The following RFWD3 variants were observed in gnomAD, a reference collection of about 807,000 sequenced individuals.
RFWD3 encodes ring finger and WD repeat domain 3, also known as E3 ubiquitin-protein ligase RFWD3.
A neutral mutation model predicts 87.7 loss-of-function variants in RFWD3; 65 were observed. That is an observed-to-expected ratio of 0.74 (90% CI 0.61 to 0.91). The LOEUF (loss-of-function observed/expected upper bound fraction) is 0.91, where lower values mean the gene tolerates loss of function less well. Ranked by LOEUF, RFWD3 falls within the 40% of genes least tolerant of loss-of-function variation. RFWD3 has a pLI of 0.00. For missense variants in RFWD3, 1,078 were observed against 938.5 expected, an observed-to-expected ratio of 1.15 and a Z score of -1.94; for synonymous variants, 433 against 352.8, an observed-to-expected ratio of 1.23 and a Z score of -2.55.
At chr16:74,662,678 G>A (rs1961550254) in intron 1 of RFWD3, among the ~76,000 whole-genome samples, 1 of 152,154 alleles carries the variant, frequency 6.6e-6, no homozygotes, top group Admixed American at 6.5e-5. Context: ...GATGAGCATG[G>A]GTTTCACTGA....
chr16:74,625,059 G>A (rs760671888), intron 12 of RFWD3, among the ~76,000 whole-genome samples: 16 of 152,072 alleles, frequency 1.1e-4, no homozygotes, highest in Non-Finnish European at 1.3e-4. Context: ...AGCTAGCCGG[G>A]CATGGTGGCA....
At chr16:74,658,766 AT>A (rs386364851) in intron 2 of RFWD3, among the ~76,000 whole-genome samples, 1,928 of 139,454 alleles carry the variant, frequency 0.014, 11 homozygotes, top group African/African-American at 0.017. Flanking sequence ...AGATTCTATA[AT>A]TTTTTTTTTT....
intron 3 of RFWD3, among the ~76,000 whole-genome samples, chr16:74,651,672 AAG>A (rs1169807827): frequency 6.6e-6 from 1 of 152,206 alleles, no homozygotes; most frequent in African/African-American, 2.4e-5. Context: ...GAAGAAGTGA[AAG>A]AGAATACAAA....
intron 8 of RFWD3, among the ~76,000 whole-genome samples, chr16:74,635,989 C>T (rs530549125): frequency 1.6e-4 from 25 of 152,128 alleles, no homozygotes; most frequent in Admixed American, 3.9e-4. Flanking sequence ...TTTTGTTTCA[C>T]CTTGAATTAA....
At chr16:74,641,990 A>G (rs1457019746) in intron 6 of RFWD3, among the ~76,000 whole-genome samples, 1 of 151,530 alleles carries the variant, frequency 6.6e-6, no homozygotes. Context: ...AACTTTCTAT[A>G]TCATACTATG....
At chr16:74,649,257 T>C in intron 3 of RFWD3, 55 bp from the exon 4 acceptor site, 8 of 1,313,242 alleles carry the variant, frequency 6.1e-6, no homozygotes, top group Non-Finnish European at 8.4e-6. Context: ...ATAAGATATG[T>C]CAGGTATGAG....
intron 3 of RFWD3, among the ~76,000 whole-genome samples, chr16:74,651,565 G>A (rs1017718514): frequency 6.6e-6 from 1 of 152,192 alleles, no homozygotes; most frequent in Non-Finnish European, 1.5e-5. Context: ...GTTGCAGTAA[G>A]CTGAGATTGT....
intron 6 of RFWD3, among the ~76,000 whole-genome samples, chr16:74,643,617 GTA>G (rs1308160407): frequency 6.9e-6 from 1 of 145,640 alleles, no homozygotes; most frequent in Non-Finnish European, 1.5e-5. Context: ...TCAATGGTGT[GTA>G]TGTTCTTTAA....
At chr16:74,629,027 T>C (rs924011031) in intron 10 of RFWD3, among the ~76,000 whole-genome samples, 1 of 152,258 alleles carries the variant, frequency 6.6e-6, no homozygotes, top group East Asian at 1.9e-4. Context: ...CTTATATACA[T>C]AACAAAATAA....
Position 74,661,203 on chromosome 16 carries a change from C to G in RFWD3, c.247G>C (p.Val83Leu). The G allele has an allele frequency of 6.2e-7, 1 of 1,614,244 alleles. No individual in the cohort carries two copies. The highest frequency in any genetic ancestry group is 8.5e-7 in the Non-Finnish European group (1 of 1,180,042). Reference sequence around the variant, plus strand: ...ACAGTGTCTTCTCCCAAGACCTCCACTTCTGTCAGGTCAACAGACAGTTGC... The same window carrying G: ...ACAGTGTCTTCTCCCAAGACCTCCAGTTCTGTCAGGTCAACAGACAGTTGC... ...APQLSVDLTE[V>L]EVLGEDTVEN... Residue 83 changes from valine to leucine, a missense_variant, in exon 2 of 13, where the codon GTG becomes CTG. Physicochemically the swap from Val to Leu is conservative, Grantham distance 32 (BLOSUM62 1). Coordinates refer to ENST00000361070, the MANE Select transcript of RFWD3 (RefSeq NM_018124.4).
intron 7 of RFWD3, among the ~76,000 whole-genome samples, chr16:74,637,528 G>A (rs1331978260): frequency 6.6e-6 from 1 of 152,270 alleles, no homozygotes; most frequent in Non-Finnish European, 1.5e-5. Context: ...TCGAGATGCT[G>A]AGGCTGAGGC....
At position 74,633,291 on chromosome 16, in the gene RFWD3, A is replaced by AG. The variant is rs1338860533; in HGVS notation, c.1427-619_1427-618insC. 2.0e-3 allele frequency among the ~76,000 whole-genome samples: 296 copies of AG among 150,642 alleles called. 6 individuals are homozygous for AG. Among genetic ancestry groups the AG allele is most frequent in the African/African-American group, 6.9e-3 (282 of 41,064 alleles). On this transcript the variant is annotated intron_variant, in intron 8 of 12. Transcript: ENST00000361070. ...AAACTCCGTCTCAGAAAAAAAAAAAAAAGAAAAGAAAAAAAAGTACAACCC... is the reference window on the plus strand; with the variant it reads ...AAACTCCGTCTCAGAAAAAAAAAAAAGAAGAAAAGAAAAAAAAGTACAACCC...
chr16:74,633,547 G>A lies in RFWD3; in HGVS notation c.1427-874C>T, dbSNP rs572528961. On this transcript the variant is annotated intron_variant, in intron 8 of 12. Transcript: ENST00000361070. ...ATAATTCCATTTATGTAAAATTCTA[G>A]AAAATGCAAACTCATCTGTAGTGAC... Among the ~76,000 whole-genome samples the A allele has an allele frequency of 3.3e-5, 5 of 152,198 alleles. No homozygotes were observed. The East Asian group carries it at 9.6e-4, about 29-fold the overall frequency.
intron 11 of RFWD3, among the ~76,000 whole-genome samples, chr16:74,626,795 C>CT (rs1484124425): frequency 7.1e-6 from 1 of 141,200 alleles, no homozygotes; most frequent in African/African-American, 2.7e-5. Flanking sequence ...TCTACAATAG[C>CT]TTTTTGCTTA....
At chr16:74,655,516 G>A (rs1324072917) in intron 2 of RFWD3, among the ~76,000 whole-genome samples, 1 of 150,600 alleles carries the variant, frequency 6.6e-6, no homozygotes, top group Non-Finnish European at 1.5e-5. Flanking sequence ...CAAAGTCCTG[G>A]GATTACAGGC....
At chr16:74,638,547 A>G (rs1463022640) in intron 6 of RFWD3, among the ~76,000 whole-genome samples, 8 of 152,228 alleles carry the variant, frequency 5.3e-5, no homozygotes, top group Admixed American at 5.2e-4. Context: ...TGAAATGCAA[A>G]GACAGAATTC....
intron 2 of RFWD3, among the ~76,000 whole-genome samples, chr16:74,654,954 G>C (rs911381264): frequency 6.6e-6 from 1 of 152,202 alleles, no homozygotes; most frequent in African/African-American, 2.4e-5. Context: ...AGAAAGCAGA[G>C]GCTGGTTCAT....
At chr16:74,632,933 C>G (rs1425108873) in intron 8 of RFWD3, among the ~76,000 whole-genome samples, 7 of 152,046 alleles carry the variant, frequency 4.6e-5, no homozygotes, top group Non-Finnish European at 1.0e-4. Flanking sequence ...TCCCAAAGTG[C>G]TGGGATTACA....
intron 2 of RFWD3, among the ~76,000 whole-genome samples, chr16:74,656,164 G>T (rs79477071): frequency 6.6e-6 from 1 of 151,582 alleles, no homozygotes; most frequent in Non-Finnish European, 1.5e-5. Context: ...TGGGTGTGGC[G>T]GCTTGTGCCT....
Sources: gnomAD v4.1 joint callset for allele counts (sites outside exome capture counted in the v4.1 genomes callset) on GRCh38, gnomAD v4.1.1 for gene constraint, MANE v1.5 for transcripts, NCBI Gene and HGNC (gene_info 2026-07-23, HGNC 2026-07-21) for gene names.